ADAMTS5: variants seen among roughly 807,000 people sequenced by gnomAD.
ADAMTS5 encodes the protein A disintegrin and metalloproteinase with thrombospondin motifs 5.
Under a neutral mutation model 81.4 loss-of-function variants are expected in ADAMTS5, and 54 were observed. That is an observed-to-expected ratio of 0.66 (90% CI 0.53 to 0.83). The LOEUF (loss-of-function observed/expected upper bound fraction) is 0.83, where lower values mean the gene tolerates loss of function less well. Among genes scored for constraint, ADAMTS5 ranks in the 40% least tolerant of loss-of-function variants. The pLI, the probability that ADAMTS5 is intolerant of heterozygous loss-of-function variation, is 0.00. For synonymous variants in ADAMTS5, 532 were observed against 508.8 expected, an observed-to-expected ratio of 1.05 and a Z score of -0.61; for missense variants, 1,194 against 1,229.9, an observed-to-expected ratio of 0.97 and a Z score of 0.44.
chr21:26,919,340 TG>T lies in ADAMTS5; in HGVS notation c.*4712del, dbSNP rs1986644403. The T allele has an allele frequency of 6.6e-6, 1 of 151,964 alleles. No individual in the cohort carries two copies. Among genetic ancestry groups the T allele is most frequent in the Non-Finnish European group, 1.5e-5 (1 of 67,940 alleles). The allele number at this position is 151,964 out of a possible 1,614,324, so 9.4% of individuals were successfully genotyped here. ...GGGGCCACTGCTCGTTTTTTCCATT[TG>T]ACCTTTACAGTCCACATGGTCCAGT... On this transcript the variant is annotated 3_prime_UTR_variant, in exon 8 of 8. Transcript: ENST00000284987.
In ADAMTS5 at chr21:26,917,988, A is replaced by G. The variant is rs1176984712; in HGVS notation, c.*6065T>C. ...AAGCAGTGTTTAATTTTACAGTTTA[A>G]AGTCACACATAGGGAAATGCTTTAC... On this transcript the variant is annotated 3_prime_UTR_variant, in exon 8 of 8. Transcript: ENST00000284987. The G allele has an allele frequency of 1.3e-5, 2 of 152,100 alleles. No individual in the cohort carries two copies. Among genetic ancestry groups the G allele is most frequent in the African/African-American group, 4.8e-5 (2 of 41,422 alleles). The allele number at this position is 152,100 out of a possible 1,614,324, so 9.4% of individuals were successfully genotyped here.
At chr21:26,936,505 A>C (rs1987017141) in intron 3 of ADAMTS5, among the ~76,000 whole-genome samples, 1 of 152,208 alleles carries the variant, frequency 6.6e-6, no homozygotes, top group Admixed American at 6.5e-5. Flanking sequence ...AATATTCAGC[A>C]TATTTTAAGT....
At position 26,966,935 on chromosome 21, in the gene ADAMTS5, GA is replaced by G. The variant is rs1246952724; in HGVS notation, c.-545del. On this transcript the variant is annotated 5_prime_UTR_variant, in exon 1 of 8. An upstream open reading frame in the 5' UTR loses its in-frame stop. Transcript: ENST00000284987. ...CAGGAGGAAGGGAAGAAAGAGAGGG[GA>G]AAAAGCCGTAAAAATTAAAACAAAA... Among the ~76,000 whole-genome samples the G allele has an allele frequency of 8.6e-5, 13 of 151,970 alleles. No homozygotes were observed.
rs1374592042 is a variant in ADAMTS5, at chr21:26,919,786, G to T, written c.*4267C>A. The T allele has an allele frequency of 6.6e-6, 1 of 152,022 alleles. No homozygotes were observed. The highest frequency in any genetic ancestry group is 1.9e-4 in the East Asian group (1 of 5,180). 9.4% of individuals were successfully genotyped at this position (152,022 alleles called of 1,614,324 possible). A position where few individuals can be genotyped will look rare whatever the true frequency, so the allele number is the denominator to read the frequency against. ...CTTAGGAAGATTTTTCAATGTACTAGCCAGTTAAGTTGATCTATCTGTTTG... is the reference window on the plus strand; with the variant it reads ...CTTAGGAAGATTTTTCAATGTACTATCCAGTTAAGTTGATCTATCTGTTTG... On this transcript the variant is annotated 3_prime_UTR_variant, in exon 8 of 8. Coordinates refer to ENST00000284987, the MANE Select transcript of ADAMTS5 (RefSeq NM_007038.5).
In ADAMTS5 at chr21:26,924,628, T is replaced by A; in HGVS notation, c.2226-8A>T. On this transcript the variant is annotated splice_region_variant and splice_polypyrimidine_tract_variant and intron_variant, in intron 7 of 7. Transcript: ENST00000284987. ...ACGTCAGTGTAACCCTTACTGGAAG[T>A]AGGAATGTTCACAGGAAGTGGGGGA... 6.3e-7 allele frequency: 1 copy of A among 1,594,044 alleles called. No individual in the cohort carries two copies. The highest frequency in any genetic ancestry group is 8.6e-7 in the Non-Finnish European group (1 of 1,168,198).
chr21:26,945,819 A>G (rs1017040418), intron 2 of ADAMTS5, among the ~76,000 whole-genome samples: 2 of 152,206 alleles, frequency 1.3e-5, no homozygotes, highest in Non-Finnish European at 2.9e-5. Flanking sequence ...GAAGATGCAT[A>G]GAGGAAATTG....
At chr21:26,939,406 G>A (rs553306680) in intron 3 of ADAMTS5, among the ~76,000 whole-genome samples, 1 of 152,260 alleles carries the variant, frequency 6.6e-6, no homozygotes, top group Non-Finnish European at 1.5e-5. Context: ...TGAAAATCAA[G>A]ATACAACCAT....
chr21:26,939,351 A>C (rs1206574863), intron 3 of ADAMTS5, among the ~76,000 whole-genome samples: 1 of 152,194 alleles, frequency 6.6e-6, no homozygotes, highest in Non-Finnish European at 1.5e-5. Context: ...GTGGCCTTAA[A>C]CTATATGTCT....
In ADAMTS5 at chr21:26,929,206, A is replaced by G. The variant is rs552103999; in HGVS notation, c.2225+680T>C. On this transcript the variant is annotated intron_variant, in intron 7 of 7. Transcript: ENST00000284987. ...AGAATACAGATACATTTGACTAATA[A>G]CACTCAGCCTAAGAGTGGTTTGGGA... 2.6e-4 allele frequency among the ~76,000 whole-genome samples: 39 copies of G among 152,330 alleles called. No individual in the cohort carries two copies. In the South Asian group the frequency reaches 3.9e-3, roughly 15 times the overall value.
At chr21:26,951,635 C>T (rs746091984) in intron 2 of ADAMTS5, among the ~76,000 whole-genome samples, 10 of 118,116 alleles carry the variant, frequency 8.5e-5, no homozygotes, top group African/African-American at 1.3e-4. Context: ...GCTGAGCCTG[C>T]GCCATTGCAC....
At chr21:26,965,193 G>A in intron 1 of ADAMTS5, 95 bp downstream of exon 1, 2 of 1,492,070 alleles carry the variant, frequency 1.3e-6, no homozygotes, top group East Asian at 4.6e-5. Context: ...CACAGCTGCA[G>A]GAGGTTTGAG....
intron 7 of ADAMTS5, among the ~76,000 whole-genome samples, chr21:26,926,435 G>A (rs1676537803): frequency 1.3e-5 from 2 of 152,196 alleles, no homozygotes; most frequent in Non-Finnish European, 2.9e-5. Context: ...CACTTTGGGA[G>A]ACTGAGGCAA....
intron 1 of ADAMTS5, among the ~76,000 whole-genome samples, chr21:26,958,909 A>G (rs1183720112): frequency 1.3e-5 from 2 of 152,208 alleles, no homozygotes; most frequent in African/African-American, 4.8e-5. Context: ...CCTGGGAGGA[A>G]GGATACTCTG....
chr21:26,953,880 A>T (rs1356398142), intron 2 of ADAMTS5: 2 of 154,078 alleles, frequency 1.3e-5, no homozygotes, highest in Non-Finnish European at 2.9e-5. Flanking sequence ...TATGTTTCAG[A>T]TATGAAAACT....
At chr21:26,939,210 T>C (rs1987070683) in intron 3 of ADAMTS5, among the ~76,000 whole-genome samples, 1 of 152,176 alleles carries the variant, frequency 6.6e-6, no homozygotes, top group African/African-American at 2.4e-5. Context: ...CAAAAAGCAA[T>C]TCAAGGGGTC....
intron 3 of ADAMTS5, among the ~76,000 whole-genome samples, chr21:26,940,162 A>G (rs1987086487): frequency 6.6e-6 from 1 of 152,106 alleles, no homozygotes; most frequent in South Asian, 2.1e-4. Context: ...TTACTCTCCG[A>G]CCTCATTTCT....
rs1986977438 is a variant in ADAMTS5 at position 26,934,610 on chromosome 21, A to G, written c.1545T>C (p.Ala515=). 6.2e-7 allele frequency: 1 copy of G among 1,614,070 alleles called. No individual in the cohort carries two copies. Among genetic ancestry groups the G allele is most frequent in the East Asian group, 2.2e-5 (1 of 44,878 alleles). ...GGCGTACCACAGCACACCACAGGCG[A>G]GCACAGACATCCATGCCGGGACACA... ...YSVCPGMDVC[A]RLWCAVVRQG... Residue 515 remains alanine (A), a synonymous_variant, in exon 4 of 8, where the codon GCT becomes GCC. Transcript: ENST00000284987.
At chr21:26,955,004 T>C in intron 1 of ADAMTS5, 133 bp from the exon 2 acceptor site, 2 of 1,126,282 alleles carry the variant, frequency 1.8e-6, no homozygotes, top group Non-Finnish European at 2.5e-6. Flanking sequence ...CTGGAAACGT[T>C]CCAAAGGCAA....
At position 26,932,066 on chromosome 21, in the gene ADAMTS5, C is replaced by G; in HGVS notation, c.1987G>C (p.Asp663His). ...GCTCTGCAGGTCAGCTTGCACACATCCGCTGGCAGGACACCTGCATATTTG... is the reference window on the plus strand; with the variant it reads ...GCTCTGCAGGTCAGCTTGCACACATGCGCTGGCAGGACACCTGCATATTTG... ...VPKYAGVLPA[D>H]VCKLTCRAKG... The change falls in exon 6 of 8, where the codon GAT (aspartate) becomes CAT (histidine). Residue 663 changes from aspartate to histidine, a missense_variant. By Grantham distance (81) the Asp-to-His change is moderately conservative. Coordinates refer to ENST00000284987, the MANE Select transcript of ADAMTS5 (RefSeq NM_007038.5). 6.2e-7 allele frequency: 1 copy of G among 1,614,192 alleles called. No homozygotes were observed. Among genetic ancestry groups the G allele is most frequent in the South Asian group, 1.1e-5 (1 of 91,082 alleles).
Sources: gnomAD v4.1 joint callset for allele counts (sites outside exome capture counted in the v4.1 genomes callset) on GRCh38, gnomAD v4.1.1 for gene constraint, MANE v1.5 for transcripts, NCBI Gene and HGNC (gene_info 2026-07-23, HGNC 2026-07-21) for gene names.